Variants in MAP1B observed in about 807,000 individuals in gnomAD.
MAP1B encodes microtubule-associated protein 1B.
MAP1B carries 12 observed loss-of-function variants against 176.1 expected under a neutral mutation model. That is an observed-to-expected ratio of 0.07 (90% confidence interval 0.04 to 0.11). MAP1B has a LOEUF of 0.11. Ranked by LOEUF, MAP1B falls within the 10% of genes least tolerant of loss-of-function variation. MAP1B has a pLI of 1.00. For missense variants in MAP1B, 2,523 were observed against 2,990.5 expected, an observed-to-expected ratio of 0.84 and a Z score of 3.65; for synonymous variants, 1,044 against 1,135.0, an observed-to-expected ratio of 0.92 and a Z score of 1.61.
intron 2 of MAP1B, among the ~76,000 whole-genome samples, chr5:72,125,562 T>C (rs895101534): frequency 2.6e-5 from 4 of 152,218 alleles, no homozygotes; most frequent in African/African-American, 9.7e-5. Flanking sequence ...TTCAGTTGTT[T>C]ACAATTGAGT....
chr5:72,107,940 A>G (rs1378914846), intron 1 of MAP1B, among the ~76,000 whole-genome samples: 2 of 152,186 alleles, frequency 1.3e-5, no homozygotes, highest in African/African-American at 4.8e-5. Flanking sequence ...GGGATCTGTC[A>G]CCACGCTGAG....
At chr5:72,114,678 G>A (rs968481737) in intron 1 of MAP1B, among the ~76,000 whole-genome samples, 1 of 152,184 alleles carries the variant, frequency 6.6e-6, no homozygotes, top group Admixed American at 6.5e-5. Context: ...TTACTCTCCA[G>A]ACCTCCCTTC....
At chr5:72,140,035 C>T (rs946754805) in intron 2 of MAP1B, among the ~76,000 whole-genome samples, 2 of 151,952 alleles carry the variant, frequency 1.3e-5, no homozygotes, top group African/African-American at 4.8e-5. Context: ...GGTCTCAGCT[C>T]ACTGCAACCT....
intron 2 of MAP1B, among the ~76,000 whole-genome samples, chr5:72,126,737 GA>G (rs1745639832): frequency 1.3e-5 from 2 of 152,148 alleles, no homozygotes; most frequent in African/African-American, 4.8e-5. Context: ...ATTTCATTTA[GA>G]AAAAACTGCC....
intron 2 of MAP1B, among the ~76,000 whole-genome samples, chr5:72,146,323 A>T (rs901071535): frequency 6.6e-6 from 1 of 152,164 alleles, no homozygotes; most frequent in Non-Finnish European, 1.5e-5. Flanking sequence ...CCACCTTTCT[A>T]GTGATTTCTG....
chr5:72,132,234 C>T (rs1238996463), intron 2 of MAP1B, among the ~76,000 whole-genome samples: 1 of 152,166 alleles, frequency 6.6e-6, no homozygotes, highest in Admixed American at 6.5e-5. Context: ...CTCAGCTGAT[C>T]TGAATCTATC....
chr5:72,127,343 A>T (rs1262494576), intron 2 of MAP1B, among the ~76,000 whole-genome samples: 2 of 152,230 alleles, frequency 1.3e-5, no homozygotes, highest in Non-Finnish European at 2.9e-5. Flanking sequence ...ACATGCAGGT[A>T]ATCATTATCA....
Position 72,204,994 on chromosome 5 carries a change from T to G in MAP1B, c.7252-90T>G. The stretch of plus-strand genomic sequence containing the variant: ...AGTTTTCTCTCATTTCCCTTCTTCT[T>G]CCAGTGGTCTAATACCTTGCTATTC... On this transcript the variant is annotated intron_variant, in intron 6 of 6. Transcript: ENST00000296755. This position sits in a 1 kb window ranked among gnomAD's most constrained non-coding sequence, Gnocchi z 4.4. 1 of 882,962 alleles carries G rather than the reference T, an allele frequency of 1.1e-6. No individual in the cohort carries two copies. The highest frequency in any genetic ancestry group is 1.7e-6 in the Non-Finnish European group (1 of 598,654). The allele number at this position is 882,962 out of a possible 1,614,324, so 54.7% of individuals were successfully genotyped here.
intron 1 of MAP1B, among the ~76,000 whole-genome samples, chr5:72,110,613 C>T (rs936772154): frequency 1.3e-4 from 20 of 152,148 alleles, no homozygotes; most frequent in African/African-American, 4.8e-4. Flanking sequence ...TGCCTTTGGG[C>T]CTTGTTGTGT....
Position 72,196,107 on chromosome 5 carries a change from C to G in MAP1B, c.2752C>G (p.Gln918Glu). ...TPEELEPVEKQGVDDIEKFED... is the reference protein window; with the variant it reads ...TPEELEPVEKEGVDDIEKFED... ...TGAGGAGCTGGAGCCCGTCGAGAAG[C>G]AGGGAGTAGACGACATTGAAAAATT... The change falls in exon 5 of 7, where the codon CAG (glutamine) becomes GAG (glutamate). Residue 918 changes from glutamine to glutamate, a missense_variant. Gln to Glu is a conservative substitution (Grantham distance 29, BLOSUM62 2). Coordinates refer to ENST00000296755, the MANE Select transcript of MAP1B (RefSeq NM_005909.5). This position sits in a 1 kb window ranked among gnomAD's most constrained non-coding sequence, Gnocchi z 5.3. The G allele has an allele frequency of 2.5e-6, 4 of 1,613,940 alleles. No individual in the cohort carries two copies. Among genetic ancestry groups the G allele is most frequent in the Non-Finnish European group, 3.4e-6 (4 of 1,179,998 alleles).
chr5:72,184,683 T>C (rs573050765), intron 3 of MAP1B, among the ~76,000 whole-genome samples: 2 of 152,258 alleles, frequency 1.3e-5, no homozygotes, highest in East Asian at 3.9e-4. Context: ...TCCTTTATTA[T>C]AGTTGAGCGC....
intron 3 of MAP1B, among the ~76,000 whole-genome samples, chr5:72,184,654 T>C (rs867359914): frequency 3.9e-5 from 6 of 152,342 alleles, no homozygotes; most frequent in Middle Eastern, 3.4e-3. Context: ...GAGGAGTTGC[T>C]ATCACTCCAC....
chr5:72,178,468 G>C (rs1035241029), intron 2 of MAP1B, among the ~76,000 whole-genome samples: 2 of 152,160 alleles, frequency 1.3e-5, no homozygotes, highest in Admixed American at 1.3e-4. Context: ...AACCTGGGCA[G>C]GGGGCTGGAA....
intron 4 of MAP1B, among the ~76,000 whole-genome samples, chr5:72,188,785 G>T (rs966318745): frequency 2.0e-5 from 3 of 152,122 alleles, no homozygotes; most frequent in African/African-American, 7.2e-5. Flanking sequence ...ATTCCCCAGG[G>T]TTTATACTTA....
At chr5:72,188,404 T>C (rs757081842) in intron 4 of MAP1B, among the ~76,000 whole-genome samples, 2 of 152,200 alleles carry the variant, frequency 1.3e-5, no homozygotes, top group Non-Finnish European at 2.9e-5. Flanking sequence ...TATAGCTCAT[T>C]TGCATGCACA....
intron 2 of MAP1B, chr5:72,179,787 A>G: frequency 1.0e-6 from 1 of 985,462 alleles, no homozygotes; most frequent in Non-Finnish European, 1.2e-6. Context: ...AGGAGCAGCC[A>G]TGGCATCTTG....
chr5:72,157,022 A>C (rs1308284843), intron 2 of MAP1B, among the ~76,000 whole-genome samples: 1 of 152,206 alleles, frequency 6.6e-6, no homozygotes, highest in Non-Finnish European at 1.5e-5. Context: ...TTGTAGGTTT[A>C]TTTGTAGAAG....
At chr5:72,172,810 A>C (rs554570519) in intron 2 of MAP1B, among the ~76,000 whole-genome samples, 1 of 152,314 alleles carries the variant, frequency 6.6e-6, no homozygotes, top group Non-Finnish European at 1.5e-5. Context: ...TCAATAAGGT[A>C]TTCATCATCT....
intron 2 of MAP1B, among the ~76,000 whole-genome samples, chr5:72,138,091 C>A (rs1260517177): frequency 6.6e-6 from 1 of 151,932 alleles, no homozygotes; most frequent in Admixed American, 6.6e-5. Context: ...AGTACTTGCC[C>A]CAAATATAAA....
Sources: allele counts gnomAD v4.1 joint callset (sites outside exome capture counted in the v4.1 genomes callset), GRCh38; gene constraint gnomAD v4.1.1; non-coding constraint Gnocchi (gnomAD v3.1); transcripts MANE v1.5; gene names NCBI Gene and HGNC (gene_info 2026-07-23, HGNC 2026-07-21).